The following CYREN variants were observed in gnomAD, a reference collection of about 807,000 sequenced individuals.
CYREN encodes the protein cell cycle regulator of NHEJ, also known as cell cycle regulator of non-homologous end joining.
In CYREN, 7 loss-of-function variants were observed where a neutral mutation model predicts 9.7. The ratio of observed to expected loss-of-function variants is 0.72; its 90% CI spans 0.41 to 1.36. The LOEUF is 1.36. Among genes scored for constraint, CYREN ranks in the 40% most tolerant of loss-of-function variants. The probability of loss-of-function intolerance (pLI) is 0.01; values close to 1 mark genes in which losing one functional copy is unlikely to be tolerated. For missense variants in CYREN, 215 were observed against 198.1 expected (o/e 1.09, Z -0.51); for synonymous variants, 76 against 77.9 (o/e 0.98, Z 0.13).
intron 2 of CYREN, among the ~76,000 whole-genome samples, chr7:135,153,342 T>C (rs1829708118): frequency 6.6e-6 from 1 of 150,952 alleles, no homozygotes; most frequent in Middle Eastern, 3.4e-3. Flanking sequence ...TAGTCCTAGC[T>C]ACTCGGGAGG....
intron 2 of CYREN, 153 bp downstream of exon 2, chr7:135,168,633 G>GC (rs1167484651): frequency 2.4e-6 from 3 of 1,233,652 alleles, no homozygotes; most frequent in Non-Finnish European, 3.3e-6. Flanking sequence ...CCCGCCCACA[G>GC]CCCCTCCACC....
At chr7:135,160,422 A>G (rs982276548) in intron 2 of CYREN, among the ~76,000 whole-genome samples, 1 of 152,264 alleles carries the variant, frequency 6.6e-6, no homozygotes, top group South Asian at 2.1e-4. Context: ...AAGAAAAACA[A>G]AAACCAGGGA....
chr7:135,107,284 T>C (rs1016480300), intron 2 of CYREN, among the ~76,000 whole-genome samples: 1 of 152,204 alleles, frequency 6.6e-6, no homozygotes, highest in Non-Finnish European at 1.5e-5. Flanking sequence ...CCTGCTTCTC[T>C]AGTTATTTTA....
At chr7:135,167,863 CAA>C (rs1830296411) in intron 2 of CYREN, 56 bp from the exon 3 acceptor site, 2 of 1,611,882 alleles carry the variant, frequency 1.2e-6, no homozygotes, top group East Asian at 2.2e-5. Context: ...CTCATAAGGG[CAA>C]AGAGAACAGG....
intron 2 of CYREN, chr7:135,129,531 T>G (rs1562906184): frequency 1.3e-6 from 1 of 772,182 alleles, no homozygotes; most frequent in Admixed American, 1.7e-5. Flanking sequence ...CAAGATGACA[T>G]GTACTGGCTG....
intron 2 of CYREN, among the ~76,000 whole-genome samples, chr7:135,104,469 G>A (rs1824341581): frequency 6.6e-6 from 1 of 152,076 alleles, no homozygotes; most frequent in South Asian, 2.1e-4. Flanking sequence ...CAGGTTGAGT[G>A]GTAATTCTGT....
At chr7:135,140,694 G>A (rs985249109) in intron 2 of CYREN, among the ~76,000 whole-genome samples, 1 of 151,932 alleles carries the variant, frequency 6.6e-6, no homozygotes, top group Admixed American at 6.6e-5. Context: ...GTTGGCTGTA[G>A]GTTTATCATA....
At chr7:135,148,239 G>A (rs1345669797) in intron 2 of CYREN, 1 of 400,820 alleles carries the variant, frequency 2.5e-6, no homozygotes, top group Non-Finnish European at 4.9e-6. Context: ...TCCTTTTCAT[G>A]AGTGTTCCTG....
intron 2 of CYREN, among the ~76,000 whole-genome samples, chr7:135,123,526 T>A (rs1827435647): frequency 6.6e-6 from 1 of 152,086 alleles, no homozygotes. Flanking sequence ...ATATGCAAAT[T>A]CAGGAAATAC....
intron 2 of CYREN, among the ~76,000 whole-genome samples, chr7:135,134,476 T>C (rs745750085): frequency 1.6e-4 from 25 of 152,092 alleles, no homozygotes; most frequent in Non-Finnish European, 2.8e-4. Flanking sequence ...TCCATTCTAA[T>C]AGAATAAACA....
intron 2 of CYREN, among the ~76,000 whole-genome samples, chr7:135,131,116 T>A (rs1306857365): frequency 6.6e-6 from 1 of 152,034 alleles, no homozygotes; most frequent in Non-Finnish European, 1.5e-5. Context: ...AATTTAAAAA[T>A]CATCTTGTAA....
intron 2 of CYREN, among the ~76,000 whole-genome samples, chr7:135,132,771 C>T (rs1182151044): frequency 1.3e-5 from 2 of 152,138 alleles, no homozygotes; most frequent in African/African-American, 4.8e-5. Flanking sequence ...CCTCCTTTGC[C>T]TTCCGCCAAG....
At chr7:135,125,225 C>T (rs1007363289) in intron 2 of CYREN, among the ~76,000 whole-genome samples, 1 of 152,052 alleles carries the variant, frequency 6.6e-6, no homozygotes, top group African/African-American at 2.4e-5. Context: ...CACCACTGAT[C>T]CCACAGAAAT....
chr7:135,092,636 T>A (rs1467496770), exon 3 of CYREN: 1 of 152,116 alleles, frequency 6.6e-6, no homozygotes, highest in Non-Finnish European at 1.5e-5. Context: ...TATTGTGTTA[T>A]GGGGTTACAT....
At chr7:135,130,510 C>G (rs536921856) in intron 2 of CYREN, among the ~76,000 whole-genome samples, 2 of 152,062 alleles carry the variant, frequency 1.3e-5, no homozygotes, top group East Asian at 3.9e-4. Flanking sequence ...TACCTTTGCC[C>G]TACCTTCTGT....
rs10954488 is a variant in CYREN, at chr7:135,151,578, G to A, written n.356+17171C>T. On this transcript the variant is annotated intron_variant and non_coding_transcript_variant, in intron 2 of 2. Coordinates refer to the CYREN transcript ENST00000459937. The surrounding 1 kb of genome is among the most constrained non-coding windows in gnomAD (Gnocchi z 4.3). ...CCCAACCATGTCTACCTGACTCTCC[G>A]TCAATTCCCGTTTCTCCCACTGAGC... Among the ~76,000 whole-genome samples, 73,751 of 151,910 alleles carry A rather than the reference G, an allele frequency of 0.49. 18,266 individuals are homozygous for A. The highest frequency in any genetic ancestry group is 0.66 in the South Asian group (3,160 of 4,822).
At chr7:135,147,185 T>C (rs1041064777) in intron 2 of CYREN, among the ~76,000 whole-genome samples, 2 of 152,220 alleles carry the variant, frequency 1.3e-5, no homozygotes, top group African/African-American at 4.8e-5. Flanking sequence ...AAGAAATTGA[T>C]GCTCAAAGAG....
intron 2 of CYREN, among the ~76,000 whole-genome samples, chr7:135,142,997 A>G (rs757587663): frequency 1.1e-4 from 16 of 152,164 alleles, no homozygotes; most frequent in Non-Finnish European, 2.4e-4. Flanking sequence ...GACCCAGAAT[A>G]GCCAACACAG....
At chr7:135,093,327 A>T (rs1339924528) in exon 3 of CYREN, 2 of 152,140 alleles carry the variant, frequency 1.3e-5, no homozygotes, top group African/African-American at 4.8e-5. Flanking sequence ...CACTATTAGC[A>T]CTAATAAATG....
Sources: gnomAD v4.1 joint callset for allele counts (sites outside exome capture counted in the v4.1 genomes callset) on GRCh38, gnomAD v4.1.1 for gene constraint, Gnocchi (gnomAD v3.1) non-coding constraint, MANE v1.5 for transcripts, NCBI Gene and HGNC (gene_info 2026-07-23, HGNC 2026-07-21) for gene names.